The following STXBP5 variants were observed in gnomAD, a reference collection of about 807,000 sequenced individuals.
The protein encoded by STXBP5 is syntaxin-binding protein 5.
A neutral mutation model predicts 152.4 loss-of-function variants in STXBP5; 50 were observed. The observed-to-expected ratio is 0.33, with a 90% confidence interval of 0.26 to 0.42. The LOEUF is 0.42. Among genes scored for constraint, STXBP5 ranks in the 10% least tolerant of loss-of-function variants. The pLI, the probability that STXBP5 is intolerant of heterozygous loss-of-function variation, is 1.00. For missense variants in STXBP5, 1,167 were observed against 1,388.6 expected, an observed-to-expected ratio of 0.84 and a Z score of 2.54; for synonymous variants, 492 against 494.7, an observed-to-expected ratio of 0.99 and a Z score of 0.07.
intron 16 of STXBP5, among the ~76,000 whole-genome samples, chr6:147,322,925 T>G (rs546887521): frequency 1.3e-5 from 2 of 152,308 alleles, no homozygotes; most frequent in Admixed American, 6.5e-5. Context: ...CAAGTTTAGT[T>G]CAGCATGGAT....
rs1255459552 is a variant in STXBP5 at position 147,316,243 on chromosome 6, A to G, written c.1638A>G (p.Arg546=). ...TTTTACAACAGATGCTTGAAGTTCG[A>G]TTATTATATGAGATAAATGATGTGG... ...ITEVIPMLEV[R]LLYEINDVET... The change falls in exon 16 of 28, where the codon CGA becomes CGG. Residue 546 remains arginine (R), a synonymous_variant. Transcript: ENST00000321680. 3.1e-6 allele frequency: 5 copies of G among 1,613,768 alleles called. No individual in the cohort carries two copies. In the Admixed American group the frequency reaches 8.3e-5, roughly 27 times the overall value.
intron 19 of STXBP5, among the ~76,000 whole-genome samples, chr6:147,338,271 A>G (rs2128396500): frequency 6.6e-6 from 1 of 152,170 alleles, no homozygotes; most frequent in South Asian, 2.1e-4. Flanking sequence ...ATATGTGCAT[A>G]AATCTAAAAT....
At chr6:147,265,003 G>T (rs935481867) in intron 6 of STXBP5, among the ~76,000 whole-genome samples, 1 of 151,996 alleles carries the variant, frequency 6.6e-6, no homozygotes, top group African/African-American at 2.4e-5. Flanking sequence ...CTAGAACTCA[G>T]GTTACTTAGG....
intron 16 of STXBP5, among the ~76,000 whole-genome samples, chr6:147,317,031 CTA>C (rs1166508008): frequency 2.0e-5 from 3 of 152,046 alleles, no homozygotes; most frequent in Non-Finnish European, 4.4e-5. Context: ...TACATGAAGA[CTA>C]TGTGATTAAT....
chr6:147,383,113 G>C, intron 27 of STXBP5, 115 bp downstream of exon 27: 1 of 1,244,266 alleles, frequency 8.0e-7, no homozygotes, highest in South Asian at 1.5e-5. Context: ...TATATTCATT[G>C]TACAATTGCA....
chr6:147,301,612 A>G (rs957364253), intron 9 of STXBP5, among the ~76,000 whole-genome samples: 7 of 152,168 alleles, frequency 4.6e-5, no homozygotes, highest in South Asian at 2.1e-4. Context: ...AGATTTATCT[A>G]TATTATCTTT....
At chr6:147,213,430 ATATATGTGTGTGTGTGTGTGTGTGTG>A (rs1776966970) in intron 2 of STXBP5, among the ~76,000 whole-genome samples, 1 of 68,402 alleles carries the variant, frequency 1.5e-5, no homozygotes, top group African/African-American at 4.8e-5. Flanking sequence ...ACATAATTTT[ATATATGTGTGTGTGTGTGTGTGTGTG>A]TGTGTGTGTG....
At chr6:147,356,461 A>G (rs1784819545) in intron 22 of STXBP5, among the ~76,000 whole-genome samples, 2 of 151,766 alleles carry the variant, frequency 1.3e-5, no homozygotes, top group South Asian at 4.2e-4. Flanking sequence ...GTTAATAAAT[A>G]TTTGTAATTA....
intron 4 of STXBP5, among the ~76,000 whole-genome samples, chr6:147,259,118 A>T (rs562162109): frequency 1.2e-4 from 19 of 152,200 alleles, no homozygotes; most frequent in South Asian, 4.1e-4. Flanking sequence ...ATATATTTTT[A>T]AAAAAATATA....
intron 9 of STXBP5, among the ~76,000 whole-genome samples, chr6:147,298,384 T>A (rs1218876112): frequency 6.6e-6 from 1 of 152,028 alleles, no homozygotes; most frequent in African/African-American, 2.4e-5. Context: ...AGGTAAGTAG[T>A]AGAGGAATTC....
chr6:147,358,963 A>G, intron 22 of STXBP5, 121 bp from the exon 23 acceptor site: 1 of 1,143,046 alleles, frequency 8.7e-7, no homozygotes, highest in Non-Finnish European at 1.2e-6. Flanking sequence ...AGTGAATATT[A>G]AATATGACGT....
chr6:147,355,461 T>C (rs1582988951), intron 22 of STXBP5, among the ~76,000 whole-genome samples: 1 of 152,160 alleles, frequency 6.6e-6, no homozygotes. Context: ...TGTCTGAGTT[T>C]AGATCAGCTA....
intron 9 of STXBP5, among the ~76,000 whole-genome samples, chr6:147,308,258 T>G (rs1046685382): frequency 1.3e-5 from 2 of 152,230 alleles, no homozygotes; most frequent in African/African-American, 4.8e-5. Context: ...TCAAATATAC[T>G]TTCCTGAGCA....
rs138457066 is a variant in STXBP5 at position 147,235,257 on chromosome 6, C to G, written c.256C>G (p.Arg86Gly). 1.9e-6 allele frequency: 3 copies of G among 1,612,964 alleles called. No homozygotes were observed. Among genetic ancestry groups the G allele is most frequent in the Non-Finnish European group, 2.5e-6 (3 of 1,179,340 alleles). The change falls in exon 3 of 28, where the codon CGT becomes GGT. Residue 86 changes from arginine (R) to glycine (G), a missense_variant. Physicochemically the swap from Arg to Gly is moderately radical, Grantham distance 125 (BLOSUM62 -2). Coordinates refer to ENST00000321680, the MANE Select transcript of STXBP5 (RefSeq NM_001127715.4). The part of the protein sequence containing the change: ...TQTGALRLFG[R>G]PGVECYCQHD... ...TAATGGAATTAATTACAGCTTTGGT[C>G]GTCCAGGAGTAGAATGTTATTGCCA...
intron 25 of STXBP5, among the ~76,000 whole-genome samples, chr6:147,368,065 G>C (rs917672510): frequency 1.3e-5 from 2 of 152,084 alleles, no homozygotes; most frequent in Non-Finnish European, 2.9e-5. Flanking sequence ...TGGCTTCAGT[G>C]ATGAGCTCTA....
chr6:147,360,645 T>A (rs1408801554), intron 23 of STXBP5, among the ~76,000 whole-genome samples: 6 of 152,186 alleles, frequency 3.9e-5, no homozygotes, highest in Non-Finnish European at 7.3e-5. Flanking sequence ...TGGTTATTTT[T>A]CATCTCCAAG....
At chr6:147,230,953 A>C (rs938451117) in intron 2 of STXBP5, among the ~76,000 whole-genome samples, 8 of 148,964 alleles carry the variant, frequency 5.4e-5, no homozygotes, top group South Asian at 2.1e-4. Context: ...GGTGATGATG[A>C]TGGTGATGAT....
chr6:147,373,753 C>T lies in STXBP5; in HGVS notation c.3104C>T (p.Thr1035Ile). The T allele has an allele frequency of 6.2e-7, 1 of 1,613,568 alleles. No individual in the cohort carries two copies. The highest frequency in any genetic ancestry group is 8.5e-7 in the Non-Finnish European group (1 of 1,179,680). ...AAGGAAATGTTGGGTGAACTCTTCACTCCTGTAGAAACACCTGAAGCACCA... is the reference window on the plus strand; with the variant it reads ...AAGGAAATGTTGGGTGAACTCTTCATTCCTGTAGAAACACCTGAAGCACCA... ...NLQEMLGELFTPVETPEAPNR... is the reference protein window; with the variant it reads ...NLQEMLGELFIPVETPEAPNR... Residue 1035 changes from threonine (T) to isoleucine (I), a missense_variant, in exon 26 of 28, where the codon ACT becomes ATT. By Grantham distance (89) the Thr-to-Ile change is moderately conservative (BLOSUM62 -1). Around this residue, in one of 3 missense-constraint regions of STXBP5, gnomAD observed 833 missense variants for 986.3 expected, o/e 0.84. Coordinates refer to ENST00000321680, the MANE Select transcript of STXBP5 (RefSeq NM_001127715.4).
At chr6:147,219,547 AT>A (rs1306761376) in intron 2 of STXBP5, among the ~76,000 whole-genome samples, 4 of 152,100 alleles carry the variant, frequency 2.6e-5, no homozygotes, top group Non-Finnish European at 5.9e-5. Flanking sequence ...GAATCTATTA[AT>A]TGATTCAGTT....
Sources: gnomAD v4.1 joint callset for allele counts (sites outside exome capture counted in the v4.1 genomes callset) on GRCh38, gnomAD v4.1.1 for gene constraint, gnomAD v4.1.1 regional missense constraint, MANE v1.5 for transcripts, NCBI Gene and HGNC (gene_info 2026-07-23, HGNC 2026-07-21) for gene names.